The following SLC35A1 variants were observed in gnomAD, a reference collection of about 807,000 sequenced individuals.
The protein encoded by SLC35A1 is CMP-sialic acid transporter.
Under a neutral mutation model 40.3 loss-of-function variants are expected in SLC35A1, and 21 were observed. The ratio of observed to expected loss-of-function variants is 0.52; its 90% CI spans 0.37 to 0.75. The LOEUF (loss-of-function observed/expected upper bound fraction) is 0.75. Among genes scored for constraint, SLC35A1 ranks in the 30% least tolerant of loss-of-function variants. The probability of loss-of-function intolerance (pLI) is 0.00; values close to 1 mark genes in which losing one functional copy is unlikely to be tolerated. For missense variants in SLC35A1, 297 were observed against 382.1 expected (o/e 0.78, Z 1.86); for synonymous variants, 146 against 147.3 (o/e 0.99, Z 0.06).
chr6:87,506,094 A>C (rs1390093612), intron 4 of SLC35A1, among the ~76,000 whole-genome samples: 2 of 152,210 alleles, frequency 1.3e-5, no homozygotes, highest in African/African-American at 4.8e-5. Context: ...CCTGTTCAAA[A>C]GTTCATGCTA....
At chr6:87,491,833 A>G (rs1298931220) in intron 2 of SLC35A1, among the ~76,000 whole-genome samples, 1 of 152,160 alleles carries the variant, frequency 6.6e-6, no homozygotes, top group Non-Finnish European at 1.5e-5. Context: ...TCCTCTTCTT[A>G]TAAGGCACTA....
At chr6:87,508,646 T>A (rs1770161727) in intron 6 of SLC35A1, 50 bp downstream of exon 6, 1 of 1,401,866 alleles carries the variant, frequency 7.1e-7, no homozygotes, top group Non-Finnish European at 1.0e-6. Flanking sequence ...ATTTTTTTTT[T>A]AAGTTAGATG....
rs565083850 is a variant in SLC35A1 at position 87,483,850 on chromosome 6, CCTT to C, written c.194+6315_194+6317del. 1.5e-3 allele frequency among the ~76,000 whole-genome samples: 234 copies of C among 152,244 alleles called. 1 individual carries two copies. Among genetic ancestry groups the C allele is most frequent in the Middle Eastern group, 0.01 (3 of 294 alleles). ...CTGCTCCCCCAAGGGAGAATTAGGC[CCTT>C]CTTAGTGTTGGCGTGCTGGTATAAA... On this transcript the variant is annotated intron_variant, in intron 2 of 7. Transcript: ENST00000369552.
chr6:87,501,347 T>C (rs960198906), intron 4 of SLC35A1, 37 bp downstream of exon 4: 18 of 1,596,344 alleles, frequency 1.1e-5, no homozygotes, highest in South Asian at 1.1e-4. Context: ...TTCCCATAAA[T>C]AGAAAACTTC....
intron 2 of SLC35A1, among the ~76,000 whole-genome samples, chr6:87,497,436 C>T (rs574061446): frequency 6.6e-6 from 1 of 152,272 alleles, no homozygotes; most frequent in Admixed American, 6.5e-5. Context: ...TTAATCCTGA[C>T]GCACTGTACT....
chr6:87,501,388 T>G, intron 4 of SLC35A1, 78 bp downstream of exon 4: 1 of 1,372,486 alleles, frequency 7.3e-7, no homozygotes, highest in Non-Finnish European at 1.0e-6. Context: ...GTTACATTGA[T>G]GCATGCAGCA....
intron 3 of SLC35A1, 74 bp from the exon 4 acceptor site, chr6:87,501,079 ATCAAT>A: frequency 7.6e-7 from 1 of 1,313,598 alleles, no homozygotes; most frequent in Non-Finnish European, 1.1e-6. Context: ...TGATAATTTT[ATCAAT>A]GATACCAGAA....
chr6:87,511,237 C>CT (rs1366775746), intron 7 of SLC35A1, among the ~76,000 whole-genome samples, 162 bp from the exon 8 acceptor site: 15 of 151,666 alleles, frequency 9.9e-5, no homozygotes, highest in South Asian at 6.2e-4. Context: ...TCCCCCTCTC[C>CT]TTTTTTTTGG....
chr6:87,482,242 C>G (rs963075010), intron 2 of SLC35A1, among the ~76,000 whole-genome samples: 1 of 129,484 alleles, frequency 7.7e-6, no homozygotes, highest in Non-Finnish European at 1.6e-5. Flanking sequence ...ATTCTCCCCC[C>G]CCTCCTTTTT....
chr6:87,506,224 T>C (rs1386252871), intron 4 of SLC35A1, among the ~76,000 whole-genome samples, 158 bp from the exon 5 acceptor site: 1 of 152,200 alleles, frequency 6.6e-6, no homozygotes, highest in Non-Finnish European at 1.5e-5. Flanking sequence ...TCTGGAATGG[T>C]CTTTTTGTTT....
Position 87,473,008 on chromosome 6 carries a change from C to T in SLC35A1, c.5C>T (p.Ala2Val), listed in dbSNP as rs1010757540. Residue 2 changes from alanine to valine, a missense_variant, in exon 1 of 8, where the codon GCT becomes GTT. Ala to Val is a moderately conservative substitution (Grantham distance 64, BLOSUM62 0). Coordinates refer to ENST00000369552, the MANE Select transcript of SLC35A1 (RefSeq NM_006416.5). M[A>V]APRDNVTLLF... ...GCGGGGGGCTGTCGGGGAACCATGG[C>T]TGCCCCGAGAGGTGAGAACTGGGTC... The T allele has an allele frequency of 5.8e-6, 4 of 690,454 alleles. No homozygotes were observed. Among genetic ancestry groups the T allele is most frequent in the Middle Eastern group, 5.5e-4 (2 of 3,630 alleles). 42.8% of individuals were successfully genotyped at this position (690,454 alleles called of 1,614,324 possible).
At chr6:87,480,918 A>T (rs1037976028) in intron 2 of SLC35A1, among the ~76,000 whole-genome samples, 3 of 152,148 alleles carry the variant, frequency 2.0e-5, no homozygotes, top group African/African-American at 7.2e-5. Flanking sequence ...GGTGGTTAGC[A>T]GCACAAGGTA....
At position 87,512,269 on chromosome 6, in the gene SLC35A1, TTG is replaced by T. The variant is rs995658551; in HGVS notation, c.*746_*747del. The stretch of plus-strand genomic sequence containing the variant: ...GTTTAACTGTTGGGCTCTCAATAAT[TTG>T]TGAAATTTCAGTGTTTTCTATAATG... On this transcript the variant is annotated 3_prime_UTR_variant, in exon 8 of 8. Transcript: ENST00000369552. 1 of 152,686 alleles carries T rather than the reference TTG, an allele frequency of 6.5e-6. No homozygotes were observed. The highest frequency in any genetic ancestry group is 1.5e-5 in the Non-Finnish European group (1 of 68,062). The allele number at this position is 152,686 out of a possible 1,614,324, so 9.5% of individuals were successfully genotyped here.
At chr6:87,483,211 TTCTC>T (rs908540506) in intron 2 of SLC35A1, among the ~76,000 whole-genome samples, 5 of 150,532 alleles carry the variant, frequency 3.3e-5, no homozygotes, top group Middle Eastern at 3.4e-3. Context: ...CTCTTTCTCT[TTCTC>T]TCTCTCTCTC....
chr6:87,481,504 T>C (rs1227940732), intron 2 of SLC35A1, among the ~76,000 whole-genome samples: 3 of 152,086 alleles, frequency 2.0e-5, no homozygotes, highest in South Asian at 2.1e-4. Flanking sequence ...TTTAGAAACT[T>C]CCTGAGAAAC....
intron 2 of SLC35A1, among the ~76,000 whole-genome samples, chr6:87,494,459 G>A (rs1377612451): frequency 2.9e-5 from 4 of 139,880 alleles, no homozygotes; most frequent in African/African-American, 8.1e-5. Context: ...GTCTCGCTCT[G>A]TTGCCCAGGC....
chr6:87,499,528 A>G (rs1008567632), intron 2 of SLC35A1, among the ~76,000 whole-genome samples: 3 of 152,234 alleles, frequency 2.0e-5, no homozygotes, highest in African/African-American at 7.2e-5. Context: ...CTGAAATAAT[A>G]ATAGCAAAAA....
chr6:87,487,545 A>G (rs1289646448), intron 2 of SLC35A1, among the ~76,000 whole-genome samples: 1 of 152,186 alleles, frequency 6.6e-6, no homozygotes, highest in Non-Finnish European at 1.5e-5. Context: ...ATTAATTAGC[A>G]TTGAACTCAT....
intron 4 of SLC35A1, among the ~76,000 whole-genome samples, chr6:87,502,632 T>A (rs1258019551): frequency 1.3e-5 from 2 of 152,216 alleles, no homozygotes; most frequent in Non-Finnish European, 2.9e-5. Context: ...TAGTTTTATC[T>A]TACAGGACCG....
Sources: allele counts gnomAD v4.1 joint callset (sites outside exome capture counted in the v4.1 genomes callset), GRCh38; gene constraint gnomAD v4.1.1; transcripts MANE v1.5; gene names NCBI Gene and HGNC (gene_info 2026-07-23, HGNC 2026-07-21).